The following GPR20 variants were observed in gnomAD, a reference collection of about 807,000 sequenced individuals.
The protein encoded by GPR20 is CTD-3064M3.3.
For synonymous variants in GPR20, 241 were observed against 241.9 expected (o/e 1.00, Z 0.04); for missense variants, 494 against 527.4 (o/e 0.94, Z 0.62).
Position 141,360,314 on chromosome 8 carries a change from C to T in GPR20, c.-24-2367G>A, listed in dbSNP as rs191811748. Among the ~76,000 whole-genome samples, 44 of 152,314 alleles carry T rather than the reference C, an allele frequency of 2.9e-4. No individual in the cohort carries two copies. In the East Asian group the frequency reaches 5.4e-3, roughly 19 times the overall value. ...ATGATCCCAGTAATGTGATGAACCTCGATCCCTGTCCCACTCTGAGCCCTG... is the reference window on the plus strand; with the variant it reads ...ATGATCCCAGTAATGTGATGAACCTTGATCCCTGTCCCACTCTGAGCCCTG... On this transcript the variant is annotated intron_variant, in intron 1 of 1. Transcript: ENST00000377741.
chr8:141,367,135 T>C (rs1359381492), intron 1 of GPR20, 66 bp downstream of exon 1: 1 of 152,188 alleles, frequency 6.6e-6, no homozygotes, highest in African/African-American at 2.4e-5. Flanking sequence ...AGGGAGCAGC[T>C]CAGGAGCCTC....
At chr8:141,360,666 T>A (rs1250174825) in intron 1 of GPR20, among the ~76,000 whole-genome samples, 1 of 152,072 alleles carries the variant, frequency 6.6e-6, no homozygotes, top group African/African-American at 2.4e-5. Flanking sequence ...CCCTGGCGAG[T>A]GCCTGGGGAA....
intron 1 of GPR20, among the ~76,000 whole-genome samples, chr8:141,363,511 C>A (rs1174859340): frequency 6.6e-6 from 1 of 152,270 alleles, no homozygotes; most frequent in African/African-American, 2.4e-5. Context: ...AATGGCCACA[C>A]CACTAGTCCA....
chr8:141,357,164 A>C lies in GPR20; in HGVS notation c.760T>G (p.Phe254Val). 4 of 1,607,104 alleles carry C rather than the reference A, an allele frequency of 2.5e-6. No individual in the cohort carries two copies. The highest frequency in any genetic ancestry group is 3.4e-6 in the Non-Finnish European group (4 of 1,178,734). The change falls in exon 2 of 2, where the codon TTC becomes GTC. Residue 254 changes from phenylalanine to valine, a missense_variant. Transcript: ENST00000377741. ...LTVLIIFLVC[F>V]TPFHARQVAV... The stretch of plus-strand genomic sequence containing the variant: ...ACTTGGCGGGCGTGGAAGGGCGTGA[A>C]GCAGACGAGAAAGATGATGAGCACC...
rs6980756 is a variant in GPR20 at position 141,363,738 on chromosome 8, C to G, written c.-25+3463G>C. ...CTCTCTTCCCTGGGCTCCTCTCAAA[C>G]CCACCCCACCAACCTGGGAGTTCTC... On this transcript the variant is annotated intron_variant, in intron 1 of 1. Coordinates refer to ENST00000377741, the MANE Select transcript of GPR20 (RefSeq NM_005293.3). Among the ~76,000 whole-genome samples the G allele has an allele frequency of 7.7e-3, 1,180 of 152,336 alleles. 9 individuals are homozygous for G. The highest frequency in any genetic ancestry group is 0.02 in the African/African-American group (842 of 41,566).
At chr8:141,364,527 C>A (rs541549214) in intron 1 of GPR20, among the ~76,000 whole-genome samples, 2 of 152,294 alleles carry the variant, frequency 1.3e-5, no homozygotes, top group South Asian at 4.1e-4. Flanking sequence ...CTCCCTGTCC[C>A]CCACGCCCAC....
At chr8:141,365,277 T>C (rs763566279) in intron 1 of GPR20, among the ~76,000 whole-genome samples, 1 of 152,190 alleles carries the variant, frequency 6.6e-6, no homozygotes, top group Non-Finnish European at 1.5e-5. Context: ...TCCCTCAAGA[T>C]GCCCCTGGGT....
At chr8:141,360,679 G>C (rs565112396) in intron 1 of GPR20, among the ~76,000 whole-genome samples, 1 of 152,354 alleles carries the variant, frequency 6.6e-6, no homozygotes, top group South Asian at 2.1e-4. Context: ...CTGGGGAAAG[G>C]AGAAGGTTCC....
At chr8:141,360,956 G>T (rs1184017357) in intron 1 of GPR20, among the ~76,000 whole-genome samples, 2 of 152,214 alleles carry the variant, frequency 1.3e-5, no homozygotes, top group Admixed American at 6.5e-5. Flanking sequence ...CGGCCGGAGA[G>T]GGGAGGCAGG....
intron 1 of GPR20, among the ~76,000 whole-genome samples, chr8:141,362,463 A>G (rs973689532): frequency 5.3e-5 from 8 of 152,194 alleles, no homozygotes; most frequent in African/African-American, 1.4e-4. Flanking sequence ...GGCAGAGAGC[A>G]GCACCCGTCT....
rs765403144 is a variant in GPR20, at chr8:141,356,805, C to T, written c.*42G>A. The T allele has an allele frequency of 7.1e-7, 1 of 1,416,764 alleles. No individual in the cohort carries two copies. Among genetic ancestry groups the T allele is most frequent in the Admixed American group, 2.1e-5 (1 of 47,704 alleles). The allele number at this position is 1,416,764 out of a possible 1,614,324, so 87.8% of individuals were successfully genotyped here. Reference sequence around the variant, plus strand: ...TGGTGGGTGTCCACGCTGGCATGCCCAGATGAGTCCTGACCTTCGGCCCCT... The same window carrying T: ...TGGTGGGTGTCCACGCTGGCATGCCTAGATGAGTCCTGACCTTCGGCCCCT... On this transcript the variant is annotated 3_prime_UTR_variant, in exon 2 of 2. Coordinates refer to ENST00000377741, the MANE Select transcript of GPR20 (RefSeq NM_005293.3).
chr8:141,365,653 G>C (rs7840323), intron 1 of GPR20, among the ~76,000 whole-genome samples: 8,514 of 152,318 alleles, frequency 0.056, 293 homozygotes, highest in African/African-American at 0.093. Flanking sequence ...TCAGAGGGAA[G>C]AGCGCTCCCG....
intron 1 of GPR20, among the ~76,000 whole-genome samples, chr8:141,362,802 G>A (rs1046774091): frequency 6.7e-6 from 1 of 149,914 alleles, no homozygotes; most frequent in African/African-American, 2.5e-5. Flanking sequence ...TTTTTGAGAC[G>A]GAGTGCTGTG....
At chr8:141,358,286 A>G (rs898839148) in intron 1 of GPR20, among the ~76,000 whole-genome samples, 4 of 152,162 alleles carry the variant, frequency 2.6e-5, no homozygotes, top group Non-Finnish European at 5.9e-5. Context: ...TGTCCTCGGG[A>G]TGGAGAGCTG....
rs932828107 is a variant in GPR20, at chr8:141,356,505, T to C, written c.*342A>G. 5.9e-6 allele frequency: 2 copies of C among 340,676 alleles called. No homozygotes were observed. Among genetic ancestry groups the C allele is most frequent in the Non-Finnish European group, 1.1e-5 (2 of 189,526 alleles). 21.1% of individuals were successfully genotyped at this position (340,676 alleles called of 1,614,324 possible). A position where few individuals can be genotyped will look rare whatever the true frequency, so the allele number is the denominator to read the frequency against. On this transcript the variant is annotated 3_prime_UTR_variant, in exon 2 of 2. Transcript: ENST00000377741. ...TTTCTTTTTCATCTCATCCTTCTAA[T>C]CAATGGAATCCACTGTGCCCTTTTT...
At chr8:141,359,920 T>A (rs1331726952) in intron 1 of GPR20, among the ~76,000 whole-genome samples, 1 of 152,242 alleles carries the variant, frequency 6.6e-6, no homozygotes, top group Non-Finnish European at 1.5e-5. Context: ...GCCTTTTGCT[T>A]TTCCAATTTG....
In GPR20 at chr8:141,358,243, G is replaced by A. The variant is rs924690246; in HGVS notation, c.-24-296C>T. Among the ~76,000 whole-genome samples the A allele has an allele frequency of 8.5e-5, 13 of 152,382 alleles. No homozygotes were observed. In the South Asian group the frequency reaches 2.1e-3, roughly 24 times the overall value. ...GAGGTTTCTGCGACCGTCCTGGCACGAGGGGGAGGCGGAAACACGTGCGGT... is the reference window on the plus strand; with the variant it reads ...GAGGTTTCTGCGACCGTCCTGGCACAAGGGGGAGGCGGAAACACGTGCGGT... On this transcript the variant is annotated intron_variant, in intron 1 of 1. Coordinates refer to ENST00000377741, the MANE Select transcript of GPR20 (RefSeq NM_005293.3).
intron 1 of GPR20, among the ~76,000 whole-genome samples, chr8:141,360,754 C>G (rs905805632): frequency 2.0e-5 from 3 of 152,116 alleles, no homozygotes; most frequent in Non-Finnish European, 4.4e-5. Flanking sequence ...CCGGAGGGCC[C>G]GGGTGATGAG....
chr8:141,364,229 C>T (rs1831781350), intron 1 of GPR20, among the ~76,000 whole-genome samples: 1 of 152,230 alleles, frequency 6.6e-6, no homozygotes, highest in Non-Finnish European at 1.5e-5. Flanking sequence ...CATGTGTGAC[C>T]ACGGGTCTGT....
Sources: gnomAD v4.1 joint callset for allele counts (sites outside exome capture counted in the v4.1 genomes callset) on GRCh38, gnomAD v4.1.1 for gene constraint, MANE v1.5 for transcripts, NCBI Gene and HGNC (gene_info 2026-07-23, HGNC 2026-07-21) for gene names.